CPA6: variants seen among roughly 807,000 people sequenced by gnomAD.
CPA6 encodes carboxypeptidase A6.
A neutral mutation model predicts 63.3 loss-of-function variants in CPA6; 58 were observed. That is an observed-to-expected ratio of 0.92 (90% CI 0.74 to 1.14). CPA6 has a LOEUF of 1.14. CPA6 is among the 50% of genes most tolerant of loss of function. CPA6 has a pLI of 0.00. For missense variants in CPA6, 565 were observed against 526.6 expected (o/e 1.07, Z -0.71); for synonymous variants, 185 against 179.0 (o/e 1.03, Z -0.27).
chr8:67,479,991 G>A (rs1811323377), intron 8 of CPA6, among the ~76,000 whole-genome samples: 2 of 151,558 alleles, frequency 1.3e-5, no homozygotes. Flanking sequence ...TTTGGATAGA[G>A]TGGGAGGGTG....
chr8:67,630,935 C>A (rs1023926046), intron 1 of CPA6, among the ~76,000 whole-genome samples: 1 of 152,258 alleles, frequency 6.6e-6, no homozygotes, highest in Non-Finnish European at 1.5e-5. Context: ...TGCTTGAATT[C>A]TTGCCAGGCC....
chr8:67,589,067 A>G (rs202056126), intron 2 of CPA6, among the ~76,000 whole-genome samples: 1 of 152,010 alleles, frequency 6.6e-6, no homozygotes. Flanking sequence ...GCAGTGAGCC[A>G]AGATTGCACC....
intron 2 of CPA6, among the ~76,000 whole-genome samples, chr8:67,542,698 G>A (rs1188143223): frequency 6.6e-6 from 1 of 152,144 alleles, no homozygotes; most frequent in Non-Finnish European, 1.5e-5. Flanking sequence ...CTTTTACACT[G>A]CCAGATAATA....
At position 67,688,541 on chromosome 8, in the gene CPA6, T is replaced by C. The variant is rs144643571; in HGVS notation, c.116+57473A>G. On this transcript the variant is annotated intron_variant, in intron 1 of 10. Transcript: ENST00000297770. Reference sequence around the variant, plus strand: ...TAGCTGCCTTACTGTGGACTTTCTATGCATATGTTTATCAAGGGAATCGTA... The same window carrying C: ...TAGCTGCCTTACTGTGGACTTTCTACGCATATGTTTATCAAGGGAATCGTA... 1.9e-3 allele frequency among the ~76,000 whole-genome samples: 289 copies of C among 152,334 alleles called. 2 individuals are homozygous for C. Among genetic ancestry groups the C allele is most frequent in the African/African-American group, 6.5e-3 (272 of 41,576 alleles).
At chr8:67,531,409 GA>G (rs1274182903) in intron 2 of CPA6, among the ~76,000 whole-genome samples, 1 of 151,810 alleles carries the variant, frequency 6.6e-6, no homozygotes, top group Non-Finnish European at 1.5e-5. Context: ...ATTAAATAAT[GA>G]AAAAATATAA....
At position 67,447,544 on chromosome 8, in the gene CPA6, CACATACACA is replaced by C. The variant is rs1563956715; in HGVS notation, c.839-13313_839-13305del. On this transcript the variant is annotated intron_variant, in intron 8 of 10. Coordinates refer to ENST00000297770, the MANE Select transcript of CPA6 (RefSeq NM_020361.5). ...ACACACACACACACACACACACACA[CACATACACA>C]TTTTAAATAGGTGATAAATTCACAT... Among the ~76,000 whole-genome samples, 317 of 122,438 alleles carry C rather than the reference CACATACACA, an allele frequency of 2.6e-3. 1 individual carries two copies. Among genetic ancestry groups the C allele is most frequent in the African/African-American group, 0.014 (288 of 20,878 alleles). 80.3% of individuals were successfully genotyped at this position (122,438 alleles called of 152,430 possible). A position where few individuals can be genotyped will look rare whatever the true frequency, so the allele number is the denominator to read the frequency against.
chr8:67,554,889 C>T (rs1813025272), intron 2 of CPA6, among the ~76,000 whole-genome samples: 1 of 152,090 alleles, frequency 6.6e-6, no homozygotes, highest in South Asian at 2.1e-4. Context: ...ATCTTCTCCA[C>T]TCAGTCCACT....
chr8:67,649,386 A>T (rs1341448536), intron 1 of CPA6, among the ~76,000 whole-genome samples: 5 of 152,184 alleles, frequency 3.3e-5, no homozygotes, highest in African/African-American at 9.6e-5. Flanking sequence ...CTTTAATCCT[A>T]ACAACAGGAT....
intron 10 of CPA6, 31 bp downstream of exon 10, chr8:67,428,016 G>A: frequency 7.0e-7 from 1 of 1,420,910 alleles, no homozygotes; most frequent in Non-Finnish European, 9.9e-7. Flanking sequence ...CAAGAGAGAG[G>A]ATTCTAACAC....
chr8:67,623,404 A>G (rs1464797404), intron 2 of CPA6, among the ~76,000 whole-genome samples: 1 of 152,110 alleles, frequency 6.6e-6, no homozygotes, highest in Non-Finnish European at 1.5e-5. Context: ...GTCAGATAGA[A>G]AATTTTCTTT....
chr8:67,718,289 T>C (rs1339334747), intron 1 of CPA6, among the ~76,000 whole-genome samples: 1 of 152,212 alleles, frequency 6.6e-6, no homozygotes, highest in Admixed American at 6.5e-5. Flanking sequence ...TGAGGTATTT[T>C]TTTTTAATGT....
At chr8:67,723,079 C>T (rs1817532309) in intron 1 of CPA6, among the ~76,000 whole-genome samples, 1 of 152,028 alleles carries the variant, frequency 6.6e-6, no homozygotes, top group Non-Finnish European at 1.5e-5. Context: ...ATCACACACA[C>T]CCCTCTAGTT....
chr8:67,632,060 C>T (rs772151595), intron 1 of CPA6, among the ~76,000 whole-genome samples: 1 of 152,262 alleles, frequency 6.6e-6, no homozygotes. Flanking sequence ...CAATTCTGGA[C>T]ACATTAATAT....
At chr8:67,600,190 G>T (rs575152664) in intron 2 of CPA6, among the ~76,000 whole-genome samples, 17 of 151,706 alleles carry the variant, frequency 1.1e-4, no homozygotes, top group South Asian at 6.2e-4. Context: ...CACATGAAAA[G>T]GACGCTTTTC....
chr8:67,706,757 G>T (rs77371479), intron 1 of CPA6, among the ~76,000 whole-genome samples: 4 of 151,932 alleles, frequency 2.6e-5, no homozygotes. Flanking sequence ...ATTGTAAAGG[G>T]TTATAAAAGG....
At chr8:67,654,291 A>G (rs1175970131) in intron 1 of CPA6, among the ~76,000 whole-genome samples, 3 of 152,052 alleles carry the variant, frequency 2.0e-5, no homozygotes, top group African/African-American at 7.2e-5. Flanking sequence ...CTCTTTTTCT[A>G]TTGATTGGAA....
intron 5 of CPA6, among the ~76,000 whole-genome samples, chr8:67,508,086 G>C (rs1811970130): frequency 6.6e-6 from 1 of 151,218 alleles, no homozygotes; most frequent in South Asian, 2.1e-4. Flanking sequence ...CATATTGGCA[G>C]CAGTGTGGAG....
intron 2 of CPA6, among the ~76,000 whole-genome samples, chr8:67,554,970 G>A (rs1305050984): frequency 6.6e-6 from 1 of 152,120 alleles, no homozygotes; most frequent in Non-Finnish European, 1.5e-5. Flanking sequence ...TGAATCACAA[G>A]CAAAAACACT....
At chr8:67,574,159 C>G (rs1813562207) in intron 2 of CPA6, among the ~76,000 whole-genome samples, 1 of 151,838 alleles carries the variant, frequency 6.6e-6, no homozygotes, top group Non-Finnish European at 1.5e-5. Flanking sequence ...AGGCAGATCA[C>G]TTGATGTCAG....
Sources: gnomAD v4.1 joint callset for allele counts (sites outside exome capture counted in the v4.1 genomes callset) on GRCh38, gnomAD v4.1.1 for gene constraint, MANE v1.5 for transcripts, NCBI Gene and HGNC (gene_info 2026-07-23, HGNC 2026-07-21) for gene names.